The following FAM114A2 variants were observed in gnomAD, a reference collection of about 807,000 sequenced individuals.
FAM114A2 encodes the protein protein FAM114A2.
In FAM114A2, 53 loss-of-function variants were observed where a neutral mutation model predicts 58.4. The ratio of observed to expected loss-of-function variants is 0.91; its 90% CI spans 0.73 to 1.14. FAM114A2 has a LOEUF of 1.14. Among genes scored for constraint, FAM114A2 ranks in the 50% most tolerant of loss-of-function variants. The pLI is 0.00. For synonymous variants in FAM114A2, 228 were observed against 211.4 expected (o/e 1.08, Z -0.68); for missense variants, 601 against 581.1 (o/e 1.03, Z -0.35).
intron 8 of FAM114A2, among the ~76,000 whole-genome samples, chr5:154,012,232 A>G (rs996205089): frequency 6.6e-6 from 1 of 152,204 alleles, no homozygotes; most frequent in African/African-American, 2.4e-5. Context: ...GAAGGATGGT[A>G]AGGAAGCTGT....
chr5:154,028,676 ACAACAAAGAAAAT>A, intron 5 of FAM114A2, among the ~76,000 whole-genome samples: 2 of 152,388 alleles, frequency 1.3e-5, no homozygotes, highest in East Asian at 3.8e-4. Context: ...ACAATGAAAT[ACAACAAAGAAAAT>A]CAAATCTACC....
intron 11 of FAM114A2, among the ~76,000 whole-genome samples, chr5:153,999,135 T>C (rs1282300563): frequency 3.9e-5 from 6 of 151,930 alleles, no homozygotes; most frequent in Admixed American, 3.9e-4. Flanking sequence ...ATCCAGAATA[T>C]ACAAGGAACT....
chr5:154,031,248 G>A (rs1017008554), intron 4 of FAM114A2, among the ~76,000 whole-genome samples: 2 of 134,406 alleles, frequency 1.5e-5, no homozygotes, highest in Non-Finnish European at 3.1e-5. Context: ...AGAGGCAGAG[G>A]CTGCAGTGAG....
chr5:153,993,239 A>G, intron 13 of FAM114A2, 129 bp from the exon 14 acceptor site: 1 of 693,644 alleles, frequency 1.4e-6, no homozygotes, highest in Non-Finnish European at 2.2e-6. Flanking sequence ...AAGTAAGAGC[A>G]GTGACTTGGC....
chr5:154,013,305 G>A (rs1427776201), intron 8 of FAM114A2, among the ~76,000 whole-genome samples: 2 of 152,152 alleles, frequency 1.3e-5, no homozygotes, highest in Non-Finnish European at 2.9e-5. Context: ...TATGGTAGAG[G>A]GGCAAGAGCC....
At chr5:154,018,734 G>T (rs1428262442) in intron 8 of FAM114A2, among the ~76,000 whole-genome samples, 1 of 152,156 alleles carries the variant, frequency 6.6e-6, no homozygotes, top group Non-Finnish European at 1.5e-5. Flanking sequence ...TCATACTAGG[G>T]ATGCAGGGAT....
At chr5:154,010,954 C>T (rs1242169667) in intron 9 of FAM114A2, among the ~76,000 whole-genome samples, 1 of 152,092 alleles carries the variant, frequency 6.6e-6, no homozygotes, top group Non-Finnish European at 1.5e-5. Context: ...GTCATCACTG[C>T]CAACTTTTAA....
At chr5:154,024,988 T>C (rs1171224819) in intron 8 of FAM114A2, among the ~76,000 whole-genome samples, 1 of 152,202 alleles carries the variant, frequency 6.6e-6, no homozygotes, top group Non-Finnish European at 1.5e-5. Context: ...GACTCACAAA[T>C]AAATTAGTTG....
intron 8 of FAM114A2, among the ~76,000 whole-genome samples, chr5:154,012,212 C>T (rs187135884): frequency 1.1e-4 from 16 of 152,156 alleles, no homozygotes; most frequent in Non-Finnish European, 2.9e-5. Context: ...AAGGGGATTC[C>T]AGAACGTTGG....
intron 8 of FAM114A2, among the ~76,000 whole-genome samples, chr5:154,018,990 A>C (rs377354868): frequency 9.9e-4 from 151 of 152,314 alleles, no homozygotes; most frequent in African/African-American, 3.2e-3. Flanking sequence ...TCCCTCTGAG[A>C]ACTGGAACAA....
chr5:154,032,237 T>C (rs969929894), intron 4 of FAM114A2, among the ~76,000 whole-genome samples: 14 of 152,232 alleles, frequency 9.2e-5, no homozygotes, highest in African/African-American at 3.1e-4. Context: ...GTATGGAAGG[T>C]AGATTGTTTC....
intron 8 of FAM114A2, among the ~76,000 whole-genome samples, chr5:154,018,167 G>A (rs772771605): frequency 3.9e-5 from 6 of 152,064 alleles, no homozygotes; most frequent in Non-Finnish European, 7.4e-5. Context: ...TAGACCATTC[G>A]CAAGATTAAC....
At chr5:154,012,831 C>T (rs993204633) in intron 8 of FAM114A2, among the ~76,000 whole-genome samples, 2 of 152,030 alleles carry the variant, frequency 1.3e-5, no homozygotes, top group Non-Finnish European at 2.9e-5. Context: ...AATCTGAACC[C>T]ATAGTGGGAT....
chr5:154,024,582 G>A (rs1167042316), intron 8 of FAM114A2, among the ~76,000 whole-genome samples: 2 of 152,018 alleles, frequency 1.3e-5, no homozygotes, highest in South Asian at 2.1e-4. Flanking sequence ...TAGTTGGAAA[G>A]GGAAGAAGTA....
intron 8 of FAM114A2, among the ~76,000 whole-genome samples, chr5:154,013,870 C>G (rs1266403003): frequency 6.6e-6 from 1 of 152,154 alleles, no homozygotes; most frequent in East Asian, 1.9e-4. Flanking sequence ...AAAGTAATAA[C>G]AGCTACATTT....
chr5:154,018,002 A>G (rs1771154137), intron 8 of FAM114A2, among the ~76,000 whole-genome samples: 1 of 152,220 alleles, frequency 6.6e-6, no homozygotes, highest in African/African-American at 2.4e-5. Context: ...TCACACCTCA[A>G]GGAAACAGAG....
chr5:154,011,299 TC>T lies in FAM114A2; in HGVS notation c.934del (p.Asp312ThrfsTer2). ...CAGCTGGGAAAACAGCTCTGTTATG[TC>T]CTTGGTAAAATCTTCATCCCCTAAA... ...EKKGDEDFTK[D>X]ITELFSQLHV... On this transcript the variant is annotated frameshift_variant, in exon 9 of 14. Transcript: ENST00000351797. LOFTEE classifies it high-confidence loss of function. 6.2e-7 allele frequency: 1 copy of T among 1,612,664 alleles called. No homozygotes were observed. The highest frequency in any genetic ancestry group is 8.5e-7 in the Non-Finnish European group (1 of 1,179,260).
chr5:154,036,031 A>AT (rs1055413769), intron 1 of FAM114A2, among the ~76,000 whole-genome samples: 11 of 149,390 alleles, frequency 7.4e-5, no homozygotes, highest in South Asian at 2.1e-4. Flanking sequence ...TTCTAATGAG[A>AT]TTTTTTTTTT....
chr5:154,002,434 G>T, intron 10 of FAM114A2, 44 bp from the exon 11 acceptor site: 1 of 1,597,992 alleles, frequency 6.3e-7, no homozygotes, highest in South Asian at 1.1e-5. Context: ...CAAAACATTT[G>T]GTGGAAAGAT....
Sources: gnomAD v4.1 joint callset for allele counts (sites outside exome capture counted in the v4.1 genomes callset) on GRCh38, gnomAD v4.1.1 for gene constraint, MANE v1.5 for transcripts, NCBI Gene and HGNC (gene_info 2026-07-23, HGNC 2026-07-21) for gene names.